Variants in CPED1 observed in about 807,000 individuals in gnomAD.
CPED1 encodes cadherin like and PC-esterase domain containing 1, also known as cadherin-like and PC-esterase domain-containing protein 1.
CPED1 carries 114 observed loss-of-function variants against 128.2 expected under a neutral mutation model. That is an observed-to-expected ratio of 0.89 (90% CI 0.76 to 1.04). CPED1 has a LOEUF of 1.04. CPED1 is among the 50% of genes least tolerant of loss of function. The pLI, the probability that CPED1 is intolerant of heterozygous loss-of-function variation, is 0.00. For missense variants in CPED1, 1,211 were observed against 1,207.1 expected (o/e 1.00, Z -0.05); for synonymous variants, 462 against 426.7 (o/e 1.08, Z -1.02).
rs150133059 is a variant in CPED1 at position 121,246,728 on chromosome 7, G to A, written c.2310+2390G>A. ...CATTATCTTTACTAATTTCTAGGCT[G>A]ATTATTAATGACTCTACAAAGTAGT... On this transcript the variant is annotated intron_variant, in intron 18 of 22. Coordinates refer to ENST00000310396, the MANE Select transcript of CPED1 (RefSeq NM_024913.5). Among the ~76,000 whole-genome samples, 30 of 152,104 alleles carry A rather than the reference G, an allele frequency of 2.0e-4. No homozygotes were observed. The East Asian group carries it at 5.2e-3, about 26-fold the overall frequency.
At chr7:121,040,470 G>A (rs989635752) in intron 3 of CPED1, among the ~76,000 whole-genome samples, 1 of 151,938 alleles carries the variant, frequency 6.6e-6, no homozygotes, top group Admixed American at 6.6e-5. Context: ...GAGAAATTTG[G>A]GAAAAGATAG....
At chr7:121,065,912 T>A (rs1793819130) in intron 5 of CPED1, among the ~76,000 whole-genome samples, 1 of 152,118 alleles carries the variant, frequency 6.6e-6, no homozygotes, top group Non-Finnish European at 1.5e-5. Flanking sequence ...ATGTTATCTT[T>A]CTCTAGATGA....
intron 18 of CPED1, among the ~76,000 whole-genome samples, chr7:121,253,248 T>C (rs982939510): frequency 1.5e-5 from 2 of 133,846 alleles, no homozygotes; most frequent in African/African-American, 5.8e-5. Context: ...CACTCATAGG[T>C]GGGAATTGAA....
At chr7:121,049,746 T>C (rs1043912778) in intron 4 of CPED1, among the ~76,000 whole-genome samples, 1 of 152,238 alleles carries the variant, frequency 6.6e-6, no homozygotes, top group Non-Finnish European at 1.5e-5. Flanking sequence ...CCTTTATTCT[T>C]ACTGTTTTGT....
intron 5 of CPED1, among the ~76,000 whole-genome samples, chr7:121,096,420 TAAAG>T (rs1794700087): frequency 1.3e-5 from 2 of 152,108 alleles, no homozygotes; most frequent in Non-Finnish European, 2.9e-5. Context: ...AATTAAAAAA[TAAAG>T]CACTGTGACC....
chr7:121,241,959 A>G (rs1798405907), intron 17 of CPED1, among the ~76,000 whole-genome samples: 1 of 152,142 alleles, frequency 6.6e-6, no homozygotes, highest in Non-Finnish European at 1.5e-5. Flanking sequence ...AAAAATACTG[A>G]TTTCTGAGCC....
At chr7:121,060,918 C>T (rs1420048134) in intron 4 of CPED1, among the ~76,000 whole-genome samples, 1 of 152,192 alleles carries the variant, frequency 6.6e-6, no homozygotes, top group Non-Finnish European at 1.5e-5. Context: ...CAGCTTCACT[C>T]CTGAAGCCAG....
intron 5 of CPED1, among the ~76,000 whole-genome samples, chr7:121,083,510 G>A (rs1460027270): frequency 6.6e-6 from 1 of 152,182 alleles, no homozygotes; most frequent in Non-Finnish European, 1.5e-5. Context: ...TGCAAGTAGA[G>A]CCAAATTATA....
chr7:121,253,013 G>A (rs1293848851), intron 18 of CPED1, among the ~76,000 whole-genome samples: 16 of 152,108 alleles, frequency 1.1e-4, no homozygotes, highest in African/African-American at 1.7e-4. Context: ...ACATGCACAC[G>A]TATGTTTATT....
At position 121,099,913 on chromosome 7, in the gene CPED1, T is replaced by C. The variant is rs767723334; in HGVS notation, c.750-13T>C. 1 of 1,602,384 alleles carries C rather than the reference T, an allele frequency of 6.2e-7. No individual in the cohort carries two copies. The highest frequency in any genetic ancestry group is 2.2e-5 in the East Asian group (1 of 44,636). ...CATTATGGAGCGCTAACTATGTTTT[T>C]TTTTTTTTTTAGGAATGAAACGACA... On this transcript the variant is annotated splice_polypyrimidine_tract_variant and intron_variant, in intron 6 of 22. Coordinates refer to ENST00000310396, the MANE Select transcript of CPED1 (RefSeq NM_024913.5).
At chr7:121,263,988 G>A (rs952690976) in intron 18 of CPED1, among the ~76,000 whole-genome samples, 1 of 152,130 alleles carries the variant, frequency 6.6e-6, no homozygotes, top group South Asian at 2.1e-4. Context: ...TTTAGGAATA[G>A]GGCCTTTGAA....
At chr7:121,126,309 C>A (rs980583477) in intron 9 of CPED1, among the ~76,000 whole-genome samples, 4 of 151,816 alleles carry the variant, frequency 2.6e-5, no homozygotes, top group Admixed American at 6.6e-5. Context: ...TTTAAAAAAA[C>A]CATGGGAATT....
intron 16 of CPED1, among the ~76,000 whole-genome samples, chr7:121,175,394 TA>T: frequency 6.6e-6 from 1 of 152,098 alleles, no homozygotes; most frequent in Non-Finnish European, 1.5e-5. Context: ...AAACTTTCAA[TA>T]AAATTCAACT....
chr7:121,120,206 T>C (rs577944128), intron 7 of CPED1, among the ~76,000 whole-genome samples: 2 of 152,318 alleles, frequency 1.3e-5, no homozygotes, highest in African/African-American at 4.8e-5. Flanking sequence ...CTATTTGTAA[T>C]TTTTTGAGGA....
chr7:121,208,088 T>C (rs919067748), intron 16 of CPED1, among the ~76,000 whole-genome samples: 1 of 152,034 alleles, frequency 6.6e-6, no homozygotes, highest in Non-Finnish European at 1.5e-5. Context: ...TATGCAAATC[T>C]AATTATGTTG....
At chr7:121,242,591 T>G (rs1798422141) in intron 17 of CPED1, among the ~76,000 whole-genome samples, 1 of 152,172 alleles carries the variant, frequency 6.6e-6, no homozygotes, top group Admixed American at 6.5e-5. Context: ...TGAAATTGCA[T>G]AGAAAGTATT....
chr7:121,125,725 G>A, intron 8 of CPED1, 95 bp from the exon 9 acceptor site: 1 of 815,868 alleles, frequency 1.2e-6, no homozygotes. Flanking sequence ...TGGGCATTTG[G>A]GTTGGTTCCA....
At chr7:121,241,062 G>GAATTGGATGGAAAAATAAGCACTTTT (rs1390295043) in intron 17 of CPED1, among the ~76,000 whole-genome samples, 14 of 127,056 alleles carry the variant, frequency 1.1e-4, no homozygotes, top group Admixed American at 2.2e-4. Flanking sequence ...TTATAAAACA[G>GAATTGGATGGAAAAATAAGCACTTTT]GCCGGGCGCG....
At chr7:121,135,230 C>G (rs936168000) in intron 13 of CPED1, among the ~76,000 whole-genome samples, 16 of 151,888 alleles carry the variant, frequency 1.1e-4, no homozygotes, top group African/African-American at 3.6e-4. Context: ...AAGAAAAAAA[C>G]TACTTCTAAT....
Sources: allele counts gnomAD v4.1 joint callset (sites outside exome capture counted in the v4.1 genomes callset), GRCh38; gene constraint gnomAD v4.1.1; transcripts MANE v1.5; gene names NCBI Gene and HGNC (gene_info 2026-07-23, HGNC 2026-07-21).